The following TOP6BL variants were observed in gnomAD, a reference collection of about 807,000 sequenced individuals.
TOP6BL encodes type 2 DNA topoisomerase 6 subunit B-like.
the TOP6BL span, among the ~76,000 whole-genome samples, chr11:66,781,595 T>TG: frequency 2.0e-5 from 3 of 152,182 alleles, no homozygotes; most frequent in African/African-American, 4.8e-5. Flanking sequence ...AAAAGTGCAG[T>TG]GGCACAGTCA....
chr11:66,806,674 A>T, the TOP6BL span, among the ~76,000 whole-genome samples: 6 of 152,192 alleles, frequency 3.9e-5, no homozygotes, highest in Non-Finnish European at 8.8e-5. Context: ...AGACTGAGAC[A>T]GGAGAATTAC....
the TOP6BL span, among the ~76,000 whole-genome samples, chr11:66,809,523 C>G: frequency 1.3e-5 from 2 of 152,224 alleles, no homozygotes; most frequent in East Asian, 3.9e-4. Flanking sequence ...AGGATATACT[C>G]TAAGGATGAA....
chr11:66,826,867 G>A, the TOP6BL span, among the ~76,000 whole-genome samples: 222 of 122,048 alleles, frequency 1.8e-3, no homozygotes, highest in African/African-American at 2.3e-3. Context: ...TTTTTTAGTA[G>A]AGACAGGGTT....
chr11:66,834,377 A>G, the TOP6BL span, among the ~76,000 whole-genome samples: 1 of 152,222 alleles, frequency 6.6e-6, no homozygotes, highest in African/African-American at 2.4e-5. Flanking sequence ...TTCTCCACTC[A>G]ACATCCTCTG....
chr11:66,822,573 A>C, the TOP6BL span: 3 of 1,549,956 alleles, frequency 1.9e-6, no homozygotes, highest in Non-Finnish European at 2.6e-6. Flanking sequence ...GGCTCAGCAG[A>C]AACTACAGGC....
At chr11:66,822,867 AGTG>A in the TOP6BL span, among the ~76,000 whole-genome samples, 36 of 151,850 alleles carry the variant, frequency 2.4e-4, no homozygotes, top group African/African-American at 8.2e-4. Flanking sequence ...ACCCAGGTGG[AGTG>A]GTGCACACCT....
the TOP6BL span, among the ~76,000 whole-genome samples, chr11:66,768,538 GACTAC>G: frequency 6.6e-6 from 1 of 152,056 alleles, no homozygotes; most frequent in African/African-American, 2.4e-5. Context: ...AACTGTGAGA[GACTAC>G]ACTTAATTTT....
the TOP6BL span, chr11:66,796,290 A>G: frequency 6.2e-7 from 1 of 1,609,088 alleles, no homozygotes; most frequent in Admixed American, 1.7e-5. Flanking sequence ...GGTTGATGAA[A>G]AGCCCAGAAC....
chr11:66,756,781 G>A, the TOP6BL span, among the ~76,000 whole-genome samples: 3 of 151,944 alleles, frequency 2.0e-5, no homozygotes, highest in Admixed American at 1.3e-4. Context: ...GTGCCATCAC[G>A]GCTCACTACA....
chr11:66,801,121 G>C, the TOP6BL span: 3 of 1,605,200 alleles, frequency 1.9e-6, no homozygotes, highest in Non-Finnish European at 2.6e-6. Context: ...GTAAAGCCTT[G>C]TTGTCCCTCT....
chr11:66,802,842 C>T, the TOP6BL span, among the ~76,000 whole-genome samples: 1 of 152,164 alleles, frequency 6.6e-6, no homozygotes, highest in Non-Finnish European at 1.5e-5. Flanking sequence ...GGTAGCAGCT[C>T]ATCATCATAG....
chr11:66,745,793 G>GGTTTGTTTGTTT, the TOP6BL span, among the ~76,000 whole-genome samples: 46 of 151,334 alleles, frequency 3.0e-4, no homozygotes, highest in East Asian at 4.3e-3. Flanking sequence ...ATATCTTTAG[G>GGTTTGTTTGTTT]GTTTGTTTGT....
chr11:66,788,173 A>G, the TOP6BL span: 11 of 1,613,190 alleles, frequency 6.8e-6, no homozygotes, highest in Admixed American at 3.3e-5. Flanking sequence ...TACAGTCCAT[A>G]CTGCCCGGAA....
chr11:66,842,356 T>C, the TOP6BL span, among the ~76,000 whole-genome samples: 1 of 152,214 alleles, frequency 6.6e-6, no homozygotes, highest in Non-Finnish European at 1.5e-5. Context: ...GAAAAGCTCA[T>C]TGATCTGCAT....
At chr11:66,800,195 T>G in the TOP6BL span, among the ~76,000 whole-genome samples, 1 of 152,026 alleles carries the variant, frequency 6.6e-6, no homozygotes, top group Non-Finnish European at 1.5e-5. Flanking sequence ...AAACTCATAG[T>G]AGAGAATAGA....
the TOP6BL span, among the ~76,000 whole-genome samples, chr11:66,766,921 T>C: frequency 4.6e-5 from 7 of 152,358 alleles, no homozygotes; most frequent in Admixed American, 3.3e-4. Flanking sequence ...TTCAGTGATA[T>C]TGACATACTC....
At chr11:66,842,472 C>T in the TOP6BL span, among the ~76,000 whole-genome samples, 3 of 152,128 alleles carry the variant, frequency 2.0e-5, no homozygotes. Context: ...CTCAATGCAA[C>T]GTGAGCAACA....
the TOP6BL span, among the ~76,000 whole-genome samples, chr11:66,837,593 C>T: frequency 1.1e-4 from 16 of 151,742 alleles, no homozygotes; most frequent in Non-Finnish European, 1.9e-4. Context: ...TACAGGAGCC[C>T]ACCACCACAG....
At chr11:66,748,340 AAAG>A in the TOP6BL span, 5 of 1,461,766 alleles carry the variant, frequency 3.4e-6, no homozygotes, top group East Asian at 2.5e-5. Context: ...TGTGATTTCT[AAAG>A]AAGATTATGT....
Sources: gnomAD v4.1 joint callset for allele counts (sites outside exome capture counted in the v4.1 genomes callset) on GRCh38, gnomAD v4.1.1 for gene constraint, MANE v1.5 for transcripts, NCBI Gene and HGNC (gene_info 2026-07-23, HGNC 2026-07-21) for gene names.